ETV6: variants seen among roughly 807,000 people sequenced by gnomAD.
ETV6 encodes the protein transcription factor ETV6.
Under a neutral mutation model 51.1 loss-of-function variants are expected in ETV6, and 16 were observed. The ratio of observed to expected loss-of-function variants is 0.31; its 90% CI spans 0.21 to 0.48. The LOEUF (loss-of-function observed/expected upper bound fraction) is 0.48. ETV6 is among the 20% of genes least tolerant of loss of function. ETV6 has a pLI of 0.99. For synonymous variants in ETV6, 240 were observed against 224.1 expected (o/e 1.07, Z -0.64); for missense variants, 458 against 594.8 (o/e 0.77, Z 2.39).
intron 1 of ETV6, among the ~76,000 whole-genome samples, chr12:11,701,352 C>A (rs953443026): frequency 2.0e-5 from 3 of 152,108 alleles, no homozygotes; most frequent in Non-Finnish European, 4.4e-5. Context: ...ATGACTACTC[C>A]AGGTCTCTCC....
intron 1 of ETV6, among the ~76,000 whole-genome samples, chr12:11,678,882 A>G (rs1276617560): frequency 1.3e-5 from 2 of 152,132 alleles, no homozygotes; most frequent in African/African-American, 2.4e-5. Flanking sequence ...TGACTGGTGA[A>G]TTCTTCCTTC....
chr12:11,775,194 A>G (rs1210171101), intron 2 of ETV6, among the ~76,000 whole-genome samples: 1 of 152,224 alleles, frequency 6.6e-6, no homozygotes, highest in Admixed American at 6.5e-5. Flanking sequence ...GGGCTATTGA[A>G]GGGTAAAGCC....
intron 2 of ETV6, among the ~76,000 whole-genome samples, chr12:11,798,657 G>A (rs1007474829): frequency 6.6e-6 from 1 of 152,164 alleles, no homozygotes; most frequent in East Asian, 1.9e-4. Flanking sequence ...TCACTCTGTA[G>A]CCATGACATT....
rs1022732822 is a variant in ETV6 at position 11,892,679 on chromosome 12, T to G, written c.*1633T>G. 2 of 232,996 alleles carry G rather than the reference T, an allele frequency of 8.6e-6. No homozygotes were observed. Among genetic ancestry groups the G allele is most frequent in the Non-Finnish European group, 1.7e-5 (2 of 117,996 alleles). The allele number at this position is 232,996 out of a possible 1,614,324, so 14.4% of individuals were successfully genotyped here. A position where few individuals can be genotyped will look rare whatever the true frequency, so the allele number is the denominator to read the frequency against. On this transcript the variant is annotated 3_prime_UTR_variant, in exon 8 of 8. Coordinates refer to ENST00000396373, the MANE Select transcript of ETV6 (RefSeq NM_001987.5). ...AGTTGGGGGAGAAACTCACAGCTCC[T>G]CCGGGATACATATGTGCCCTCAGCA...
intron 3 of ETV6, among the ~76,000 whole-genome samples, chr12:11,842,639 G>C (rs1264062051): frequency 2.0e-5 from 3 of 152,142 alleles, no homozygotes. Flanking sequence ...AAGAAGTTTG[G>C]GTTTTATTTT....
chr12:11,866,689 G>A (rs560444493), intron 4 of ETV6, among the ~76,000 whole-genome samples: 8 of 152,318 alleles, frequency 5.3e-5, no homozygotes, highest in African/African-American at 1.9e-4. Context: ...CTTTGAACTT[G>A]ATGAGACTCA....
chr12:11,853,423 C>A lies in ETV6; in HGVS notation c.329-4C>A, dbSNP rs752427976. 1 of 1,613,284 alleles carries A rather than the reference C, an allele frequency of 6.2e-7. No homozygotes were observed. The highest frequency in any genetic ancestry group is 1.3e-5 in the African/African-American group (1 of 74,940). ...CTCGATTTCCCTTTCCTTTTTCTTT[C>A]CAGGTGATGTGCTCTATGAACTCCT... On this transcript the variant is annotated splice_polypyrimidine_tract_variant and splice_region_variant and intron_variant, in intron 3 of 7. Coordinates refer to ENST00000396373, the MANE Select transcript of ETV6 (RefSeq NM_001987.5).
chr12:11,830,211 G>C (rs1946222574), intron 2 of ETV6, among the ~76,000 whole-genome samples: 1 of 152,120 alleles, frequency 6.6e-6, no homozygotes, highest in South Asian at 2.1e-4. Flanking sequence ...GCAGTATTCG[G>C]GATCTGCAGC....
intron 2 of ETV6, among the ~76,000 whole-genome samples, chr12:11,835,129 T>C (rs1946297445): frequency 6.6e-6 from 1 of 152,216 alleles, no homozygotes; most frequent in Non-Finnish European, 1.5e-5. Flanking sequence ...CACTGAAGGA[T>C]ATGACACAAT....
At chr12:11,660,638 GA>G (rs2120641178) in intron 1 of ETV6, among the ~76,000 whole-genome samples, 1 of 151,724 alleles carries the variant, frequency 6.6e-6, no homozygotes, top group East Asian at 1.9e-4. Flanking sequence ...GACATGGTGG[GA>G]ATTTGCTAAG....
chr12:11,673,738 G>A (rs989756257), intron 1 of ETV6, among the ~76,000 whole-genome samples: 5 of 152,124 alleles, frequency 3.3e-5, no homozygotes, highest in Non-Finnish European at 7.4e-5. Flanking sequence ...CCATTTTCAA[G>A]TGTCTTCTTG....
chr12:11,818,212 G>A (rs1946022836), intron 2 of ETV6, among the ~76,000 whole-genome samples: 1 of 152,140 alleles, frequency 6.6e-6, no homozygotes, highest in African/African-American at 2.4e-5. Context: ...GAGTTGTGAA[G>A]GTTTTTATTC....
At chr12:11,755,247 TC>T (rs752205000) in intron 2 of ETV6, among the ~76,000 whole-genome samples, 9 of 152,184 alleles carry the variant, frequency 5.9e-5, no homozygotes, top group African/African-American at 9.7e-5. Context: ...GATGGATGGG[TC>T]CCCACGTAGA....
intron 1 of ETV6, among the ~76,000 whole-genome samples, chr12:11,697,492 G>T (rs1338534590): frequency 6.6e-6 from 1 of 152,188 alleles, no homozygotes; most frequent in African/African-American, 2.4e-5. Flanking sequence ...ACTTCTGTGG[G>T]CCTTGCAATT....
intron 2 of ETV6, among the ~76,000 whole-genome samples, chr12:11,774,756 G>A (rs988987827): frequency 2.6e-5 from 4 of 152,290 alleles, no homozygotes; most frequent in African/African-American, 7.2e-5. Flanking sequence ...CGCCAGCCAC[G>A]GTACTGAGGA....
chr12:11,755,164 G>C (rs902877238), intron 2 of ETV6, among the ~76,000 whole-genome samples: 1 of 152,184 alleles, frequency 6.6e-6, no homozygotes, highest in African/African-American at 2.4e-5. Context: ...TTGGTTTATG[G>C]CTGGAATCTA....
chr12:11,698,174 A>G (rs1591616363), intron 1 of ETV6, among the ~76,000 whole-genome samples: 1 of 152,324 alleles, frequency 6.6e-6, no homozygotes, highest in South Asian at 2.1e-4. Flanking sequence ...GGAAGGCTGA[A>G]TCACTACAGC....
At chr12:11,690,316 C>T (rs1048342408) in intron 1 of ETV6, among the ~76,000 whole-genome samples, 3 of 152,056 alleles carry the variant, frequency 2.0e-5, no homozygotes, top group East Asian at 1.9e-4. Flanking sequence ...GTATCGATTC[C>T]GGCACTGTGT....
chr12:11,736,117 A>G (rs1488958071), intron 1 of ETV6, among the ~76,000 whole-genome samples: 1 of 152,190 alleles, frequency 6.6e-6, no homozygotes, highest in East Asian at 1.9e-4. Context: ...CTCCTTAAAG[A>G]AGATAGAGAT....
Sources: gnomAD v4.1 joint callset for allele counts (sites outside exome capture counted in the v4.1 genomes callset) on GRCh38, gnomAD v4.1.1 for gene constraint, MANE v1.5 for transcripts, NCBI Gene and HGNC (gene_info 2026-07-23, HGNC 2026-07-21) for gene names.